The following ADGRL2 variants were observed in gnomAD, a reference collection of about 807,000 sequenced individuals.
ADGRL2 encodes adhesion G protein-coupled receptor L2, also known as calcium-independent alpha-latrotoxin receptor 2.
Under a neutral mutation model 157.4 loss-of-function variants are expected in ADGRL2, and 44 were observed. That is an observed-to-expected ratio of 0.28 (90% confidence interval 0.22 to 0.36). The LOEUF (loss-of-function observed/expected upper bound fraction) is 0.36, where lower values mean the gene tolerates loss of function less well. Among genes scored for constraint, ADGRL2 ranks in the 10% least tolerant of loss-of-function variants. ADGRL2 has a pLI of 1.00. For missense variants in ADGRL2, 1,510 were observed against 1,768.9 expected (o/e 0.85, Z 2.63); for synonymous variants, 585 against 624.7 (o/e 0.94, Z 0.95).
At chr1:81,694,904 A>C (rs537409435), upstream of ADGRL2, among the ~76,000 whole-genome samples, 3 of 152,186 alleles carry the variant, frequency 2.0e-5, no homozygotes, top group Admixed American at 1.3e-4. Flanking sequence ...ACACACATAC[A>C]TATGTACATA....
chr1:81,944,649 T>G (rs1039670976), intron 6 of ADGRL2, among the ~76,000 whole-genome samples: 3 of 152,046 alleles, frequency 2.0e-5, no homozygotes, highest in Non-Finnish European at 4.4e-5. Flanking sequence ...AAGATCTGAA[T>G]ATCCTAATTT....
chr1:81,916,360 C>A (rs936507945), intron 3 of ADGRL2, among the ~76,000 whole-genome samples: 5 of 151,998 alleles, frequency 3.3e-5, no homozygotes, highest in Non-Finnish European at 7.4e-5. Flanking sequence ...AAAAGTTATA[C>A]TTTGAACAGA....
chr1:81,816,055 G>A (rs1267611663), intron 1 of ADGRL2, among the ~76,000 whole-genome samples: 2 of 151,730 alleles, frequency 1.3e-5, no homozygotes, highest in African/African-American at 4.8e-5. Context: ...TGTAGTGCAA[G>A]CATCACTTAA....
chr1:81,344,077 T>A (rs956304058), intron 1 of ADGRL2, among the ~76,000 whole-genome samples: 29 of 149,432 alleles, frequency 1.9e-4, no homozygotes, highest in Middle Eastern at 3.4e-3. Context: ...GAAAAAAAAA[T>A]TTTTCTTTTT....
rs567097314 is a variant in ADGRL2 at position 81,942,782 on chromosome 1, T to G, written c.410-187T>G. ...AAATAAACATAAACTTCAGTTACTT[T>G]GTACCCTGATACACTGATTATGCTA... On this transcript the variant is annotated intron_variant, in intron 5 of 23. Transcript: ENST00000686636. 39 of 657,690 alleles carry G rather than the reference T, an allele frequency of 5.9e-5. 2 individuals carry two copies. Among genetic ancestry groups the G allele is most frequent in the South Asian group, 5.5e-4 (35 of 63,918 alleles). The allele number at this position is 657,690 out of a possible 1,614,324, so 40.7% of individuals were successfully genotyped here.
At chr1:81,669,334 G>A (rs1399741324) in intron 3 of ADGRL2, among the ~76,000 whole-genome samples, 1 of 152,040 alleles carries the variant, frequency 6.6e-6, no homozygotes, top group African/African-American at 2.4e-5. Context: ...AGATCATTTA[G>A]AGCCCAGGAG....
chr1:81,710,509 A>G (rs1458204230), intron 1 of ADGRL2, among the ~76,000 whole-genome samples: 2 of 151,270 alleles, frequency 1.3e-5, no homozygotes, highest in Non-Finnish European at 2.9e-5. Flanking sequence ...AGTCCCAGCT[A>G]CTCGGGAGGC....
At chr1:81,602,918 G>C (rs115882453) in intron 3 of ADGRL2, among the ~76,000 whole-genome samples, 3,448 of 145,606 alleles carry the variant, frequency 0.024, 134 homozygotes, top group African/African-American at 0.083. Flanking sequence ...AAAAAAAAGT[G>C]TCCAATACAT....
chr1:81,907,020 T>A lies in ADGRL2; in HGVS notation c.77T>A (p.Phe26Tyr). Residue 26 changes from phenylalanine (F) to tyrosine (Y), a missense_variant, in exon 3 of 24, where the codon TTC (phenylalanine) becomes TAC (tyrosine). By Grantham distance (22) the Phe-to-Tyr change is conservative (BLOSUM62 3). Coordinates refer to ENST00000686636, the MANE Select transcript of ADGRL2 (RefSeq NM_001366006.2). The part of the protein sequence containing the change: ...VISFLPNTEG[F>Y]SRAALPFGLV... ...TTTCTTTCTTTTTTATTTTAAGGTTTCAGCAGAGCAGCTTTACCATTTGGG... is the reference window on the plus strand; with the variant it reads ...TTTCTTTCTTTTTTATTTTAAGGTTACAGCAGAGCAGCTTTACCATTTGGG... 1 of 1,612,504 alleles carries A rather than the reference T, an allele frequency of 6.2e-7. No individual in the cohort carries two copies. Among genetic ancestry groups the A allele is most frequent in the Non-Finnish European group, 8.5e-7 (1 of 1,178,664 alleles).
At chr1:81,824,137 C>T (rs1371855606) in intron 1 of ADGRL2, among the ~76,000 whole-genome samples, 1 of 152,078 alleles carries the variant, frequency 6.6e-6, no homozygotes, top group Non-Finnish European at 1.5e-5. Flanking sequence ...TCTGTATCTT[C>T]TGAATCATTG....
At chr1:81,503,004 C>T (rs544547860) in intron 2 of ADGRL2, 9 of 1,612,846 alleles carry the variant, frequency 5.6e-6, no homozygotes, top group African/African-American at 1.3e-5. Flanking sequence ...TGGCTGTGCC[C>T]GTGACCTTGG....
chr1:81,697,319 A>C (rs2083465087), upstream of ADGRL2, among the ~76,000 whole-genome samples: 1 of 152,224 alleles, frequency 6.6e-6, no homozygotes, highest in Admixed American at 6.5e-5. Context: ...TAATTTACAT[A>C]AAGTGCTCTT....
At chr1:81,644,442 A>C (rs994932410) in intron 3 of ADGRL2, among the ~76,000 whole-genome samples, 1 of 152,204 alleles carries the variant, frequency 6.6e-6, no homozygotes, top group Non-Finnish European at 1.5e-5. Flanking sequence ...GAAGTCACAG[A>C]CTGGGAGAAA....
chr1:81,817,108 C>G (rs1294003923), intron 1 of ADGRL2, among the ~76,000 whole-genome samples: 3 of 151,920 alleles, frequency 2.0e-5, no homozygotes, highest in Non-Finnish European at 2.9e-5. Context: ...TCCCACGCTC[C>G]TACCTTTTGT....
intron 2 of ADGRL2, among the ~76,000 whole-genome samples, chr1:81,496,893 T>TA (rs1367097519): frequency 6.6e-6 from 1 of 152,002 alleles, no homozygotes; most frequent in East Asian, 1.9e-4. Context: ...AGGAAAACAA[T>TA]ATATTTTTTT....
At chr1:81,561,227 G>C (rs1237298814) in intron 2 of ADGRL2, among the ~76,000 whole-genome samples, 1 of 151,714 alleles carries the variant, frequency 6.6e-6, no homozygotes, top group Non-Finnish European at 1.5e-5. Flanking sequence ...GTCTCTCTCC[G>C]TTTATCTGAG....
At chr1:81,912,538 A>G (rs2094754628) in intron 3 of ADGRL2, among the ~76,000 whole-genome samples, 2 of 152,216 alleles carry the variant, frequency 1.3e-5, no homozygotes, top group Admixed American at 1.3e-4. Flanking sequence ...AATGTAAAGG[A>G]GAAACAAATG....
intron 1 of ADGRL2, among the ~76,000 whole-genome samples, chr1:81,818,202 T>C (rs1311631801): frequency 6.6e-6 from 1 of 152,016 alleles, no homozygotes; most frequent in African/African-American, 2.4e-5. Context: ...AAAATAAAAA[T>C]CACAATCATA....
chr1:81,818,213 T>C (rs573402576), intron 1 of ADGRL2, among the ~76,000 whole-genome samples: 15 of 152,066 alleles, frequency 9.9e-5, no homozygotes, highest in Non-Finnish European at 2.2e-4. Context: ...CACAATCATA[T>C]TAAACTTTCA....
Sources: allele counts gnomAD v4.1 joint callset (sites outside exome capture counted in the v4.1 genomes callset), GRCh38; gene constraint gnomAD v4.1.1; transcripts MANE v1.5; gene names NCBI Gene and HGNC (gene_info 2026-07-23, HGNC 2026-07-21).